The following COL6A2 variants were observed in gnomAD, a reference collection of about 807,000 sequenced individuals.
COL6A2 encodes the protein collagen alpha-2(VI) chain.
A neutral mutation model predicts 124.9 loss-of-function variants in COL6A2; 90 were observed. The observed-to-expected ratio is 0.72, with a 90% confidence interval of 0.61 to 0.86. The LOEUF (loss-of-function observed/expected upper bound fraction) is 0.86. COL6A2 is among the 40% of genes least tolerant of loss of function. The probability of loss-of-function intolerance (pLI) is 0.00; values close to 1 mark genes in which losing one functional copy is unlikely to be tolerated. For missense variants in COL6A2, 1,607 were observed against 1,502.5 expected, an observed-to-expected ratio of 1.07 and a Z score of -1.15; for synonymous variants, 793 against 618.2, an observed-to-expected ratio of 1.28 and a Z score of -4.19.
At chr21:46,108,065 T>C (rs1236156388) in intron 1 of COL6A2, among the ~76,000 whole-genome samples, 1 of 151,302 alleles carries the variant, frequency 6.6e-6, no homozygotes, top group Non-Finnish European at 1.5e-5. Flanking sequence ...TCCCCTCCTT[T>C]CTCTTTCTTT....
At chr21:46,129,314 C>G (rs779759188) in intron 27 of COL6A2, 1 of 1,612,950 alleles carries the variant, frequency 6.2e-7, no homozygotes, top group South Asian at 1.1e-5. Context: ...CCACGGAGCT[C>G]ACGCAGGACC....
chr21:46,099,248 T>C (rs1332909684), intron 1 of COL6A2: 1 of 152,156 alleles, frequency 6.6e-6, no homozygotes, highest in East Asian at 1.9e-4. Flanking sequence ...GGTCAGGAGT[T>C]CGAGACCAGC....
At chr21:46,106,428 G>C (rs934374934) in intron 1 of COL6A2, among the ~76,000 whole-genome samples, 4 of 152,202 alleles carry the variant, frequency 2.6e-5, no homozygotes, top group African/African-American at 7.2e-5. Context: ...TTCCTCATCT[G>C]TTGGAGTGGG....
intron 1 of COL6A2, among the ~76,000 whole-genome samples, chr21:46,106,303 A>G (rs2078334826): frequency 6.6e-6 from 1 of 152,244 alleles, no homozygotes; most frequent in South Asian, 2.1e-4. Flanking sequence ...TGTTGTAATG[A>G]TGGTCATATG....
intron 27 of COL6A2, chr21:46,128,993 C>T: frequency 1.9e-6 from 3 of 1,605,544 alleles, no homozygotes; most frequent in South Asian, 1.1e-5. Flanking sequence ...TAGCTCCCTG[C>T]CAGCTTCCTG....
At chr21:46,129,947 G>T (rs2078739305) in intron 27 of COL6A2, 1 of 656,220 alleles carries the variant, frequency 1.5e-6, no homozygotes, top group Non-Finnish European at 1.9e-6. Flanking sequence ...GTGCTGCCCA[G>T]GTGCTGGAGG....
Position 46,132,689 on chromosome 21 carries a change from A to C in COL6A2, c.*137A>C. 1.1e-6 allele frequency: 1 copy of C among 918,844 alleles called. No individual in the cohort carries two copies. The highest frequency in any genetic ancestry group is 1.7e-6 in the Non-Finnish European group (1 of 598,996). 56.9% of individuals were successfully genotyped at this position (918,844 alleles called of 1,614,324 possible). A position where few individuals can be genotyped will look rare whatever the true frequency, so the allele number is the denominator to read the frequency against. ...GGCCTGCACCTCTCCAGCTCCTCCC[A>C]CGGGGTCCCCGTAGCCCCGGCCCCC... On this transcript the variant is annotated 3_prime_UTR_variant, in exon 28 of 28. Transcript: ENST00000300527.
At chr21:46,117,962 G>A (rs568846152) in intron 12 of COL6A2, 26 bp downstream of exon 12, 5 of 1,603,608 alleles carry the variant, frequency 3.1e-6, no homozygotes, top group Admixed American at 3.4e-5. Flanking sequence ...AGGGTACGGG[G>A]CAGGCGGGGT....
rs150967223 is a variant in COL6A2, at chr21:46,131,845, T to C, written c.2462-109T>C. 6.6e-4 allele frequency: 687 copies of C among 1,045,598 alleles called. 3 individuals carry two copies. In the African/African-American group the frequency reaches 7.8e-3, roughly 12 times the overall value. 64.8% of individuals were successfully genotyped at this position (1,045,598 alleles called of 1,614,324 possible). On this transcript the variant is annotated intron_variant, in intron 27 of 27. Coordinates refer to ENST00000300527, the MANE Select transcript of COL6A2 (RefSeq NM_001849.4). Reference sequence around the variant, plus strand: ...AACGCCCCCGCAGAGCCCAGTGGTCTGTGAGGTTGCAGGCAGGGTGCGAAT... The same window carrying C: ...AACGCCCCCGCAGAGCCCAGTGGTCCGTGAGGTTGCAGGCAGGGTGCGAAT...
In COL6A2 at chr21:46,121,555, G is replaced by A; in HGVS notation, c.1459-1G>A. On this transcript the variant is annotated splice_acceptor_variant, in intron 17 of 27. Transcript: ENST00000300527. LOFTEE classifies it high-confidence loss of function. Reference sequence around the variant, plus strand: ...CTTCTGAATTTCTCTCCTGCCCTCAGGGATCTCGGGGAGACCCCGGTGATG... The same window carrying A: ...CTTCTGAATTTCTCTCCTGCCCTCAAGGATCTCGGGGAGACCCCGGTGATG... 2 of 1,612,850 alleles carry A rather than the reference G, an allele frequency of 1.2e-6. No homozygotes were observed. Among genetic ancestry groups the A allele is most frequent in the Non-Finnish European group, 1.7e-6 (2 of 1,179,950 alleles).
chr21:46,129,841 C>G lies in COL6A2; in HGVS notation c.2462-2113C>G, dbSNP rs558777956. On this transcript the variant is annotated intron_variant, in intron 27 of 27. Transcript: ENST00000300527. ...TCCTTCTTTGCTGCATCAGGTCACC[C>G]TCACAGGCTCCAGGGTTTGGGTGTG... 1.7e-5 allele frequency: 18 copies of G among 1,081,168 alleles called. 1 individual carries two copies. In the South Asian group the frequency reaches 6.0e-4, roughly 36 times the overall value. The allele number at this position is 1,081,168 out of a possible 1,614,324, so 67.0% of individuals were successfully genotyped here.
At chr21:46,121,812 A>G (rs1316851675) in intron 18 of COL6A2, among the ~76,000 whole-genome samples, 194 bp downstream of exon 18, 1 of 152,102 alleles carries the variant, frequency 6.6e-6, no homozygotes, top group Non-Finnish European at 1.5e-5. Flanking sequence ...CCTCTTCAGC[A>G]GTGACCCTTG....
At position 46,116,622 on chromosome 21, in the gene COL6A2, C is replaced by G; in HGVS notation, c.928-29C>G. 6.2e-7 allele frequency: 1 copy of G among 1,612,920 alleles called. No homozygotes were observed. The highest frequency in any genetic ancestry group is 1.1e-5 in the South Asian group (1 of 91,088). On this transcript the variant is annotated intron_variant, in intron 8 of 27. Coordinates refer to ENST00000300527, the MANE Select transcript of COL6A2 (RefSeq NM_001849.4). This position sits in a 1 kb window ranked among gnomAD's most constrained non-coding sequence, Gnocchi z 4.6. ...GCCCATGATGCTTTGAGGCACCGAGCTCACTGCGCCGGCTTTCCTCCTACA... is the reference window on the plus strand; with the variant it reads ...GCCCATGATGCTTTGAGGCACCGAGGTCACTGCGCCGGCTTTCCTCCTACA...
chr21:46,102,828 T>A (rs1406167786), intron 1 of COL6A2, among the ~76,000 whole-genome samples: 1 of 152,138 alleles, frequency 6.6e-6, no homozygotes, highest in Non-Finnish European at 1.5e-5. Flanking sequence ...ATTAATAGTA[T>A]TTTGTTTAGG....
In COL6A2 at chr21:46,125,607, G is replaced by C. The variant is rs547589437; in HGVS notation, c.1959G>C (p.Lys653Asn). 2 of 1,612,568 alleles carry C rather than the reference G, an allele frequency of 1.2e-6. No homozygotes were observed. The highest frequency in any genetic ancestry group is 2.2e-5 in the South Asian group (2 of 91,080). ...NRLGAIAKDP[K>N]SETGTRVGVV... ...TGGGTGCCATCGCTAAGGACCCCAAGTCCGAGACAGGTCAGCGGGGCAGGG... is the reference window on the plus strand; with the variant it reads ...TGGGTGCCATCGCTAAGGACCCCAACTCCGAGACAGGTCAGCGGGGCAGGG... The change falls in exon 25 of 28, where the codon AAG becomes AAC. Residue 653 changes from lysine (K) to asparagine (N), a missense_variant. Around this residue, in one of 3 missense-constraint regions of COL6A2, gnomAD observed 1,223 missense variants for 1,052.2 expected, o/e 1.16. Coordinates refer to ENST00000300527, the MANE Select transcript of COL6A2 (RefSeq NM_001849.4).
chr21:46,126,027 C>T lies in COL6A2; in HGVS notation c.2212C>T (p.Arg738Trp), dbSNP rs2123664140. Residue 738 changes from arginine (R) to tryptophan (W), a missense_variant, in exon 26 of 28, where the codon CGG (arginine) becomes TGG (tryptophan). Physicochemically the swap from Arg to Trp is moderately radical, Grantham distance 101 (BLOSUM62 -3). Coordinates refer to ENST00000300527, the MANE Select transcript of COL6A2 (RefSeq NM_001849.4). ...CATCACGGACGGGCGCCACGACCCT[C>T]GGGACGATGACCTCAACTTGCGGGC... ...VVITDGRHDP[R>W]DDDLNLRALC... The T allele has an allele frequency of 4.3e-6, 7 of 1,612,994 alleles. No individual in the cohort carries two copies. The highest frequency in any genetic ancestry group is 5.1e-6 in the Non-Finnish European group (6 of 1,179,904).
intron 11 of COL6A2, 131 bp from the exon 12 acceptor site, chr21:46,117,743 C>A: frequency 3.5e-6 from 3 of 868,726 alleles, no homozygotes; most frequent in South Asian, 1.4e-5. Flanking sequence ...GCCTCTTGGT[C>A]ACTGAGCCTG....
At position 46,124,710 on chromosome 21, in the gene COL6A2, C is replaced by T. The variant is rs189470660; in HGVS notation, c.1731C>T (p.Pro577=). The T allele has an allele frequency of 1.3e-5, 21 of 1,612,644 alleles. No homozygotes were observed. The highest frequency in any genetic ancestry group is 9.9e-5 in the South Asian group (9 of 91,076). ...GGGGGCCAAGAGGAGTCCCAGGACC[C>T]GAGGTAGGTTGGTGGCCAGTCCCCA... ...GPRGPRGVPG[P]EGEPGPPGDP... Residue 577 remains proline, a synonymous_variant, in exon 22 of 28, where the codon CCC becomes CCT. Coordinates refer to ENST00000300527, the MANE Select transcript of COL6A2 (RefSeq NM_001849.4).
In COL6A2 at chr21:46,116,193, A is replaced by G; in HGVS notation, c.900+140A>G. 4 of 1,153,812 alleles carry G rather than the reference A, an allele frequency of 3.5e-6. No individual in the cohort carries two copies. The highest frequency in any genetic ancestry group is 5.1e-6 in the Non-Finnish European group (4 of 789,344). The allele number at this position is 1,153,812 out of a possible 1,614,324, so 71.5% of individuals were successfully genotyped here. A position where few individuals can be genotyped will look rare whatever the true frequency, so the allele number is the denominator to read the frequency against. ...GGAACAGAAGCACCTCGATAACTTGATGGCCGTCCCAAAACCCAGCCTCCA... is the reference window on the plus strand; with the variant it reads ...GGAACAGAAGCACCTCGATAACTTGGTGGCCGTCCCAAAACCCAGCCTCCA... On this transcript the variant is annotated intron_variant, in intron 7 of 27. Transcript: ENST00000300527. The surrounding 1 kb of genome is among the most constrained non-coding windows in gnomAD (Gnocchi z 4.6).
Sources: allele counts gnomAD v4.1 joint callset (sites outside exome capture counted in the v4.1 genomes callset), GRCh38; gene constraint gnomAD v4.1.1; regional missense constraint gnomAD v4.1.1; non-coding constraint Gnocchi (gnomAD v3.1); transcripts MANE v1.5; gene names NCBI Gene and HGNC (gene_info 2026-07-23, HGNC 2026-07-21).